The following SMARCAD1 variants were observed in gnomAD, a reference collection of about 807,000 sequenced individuals.
SMARCAD1 encodes the protein SNF2 related chromatin remodeling ATPase with DExD box 1, also known as SWI/SNF-related matrix-associated actin-dependent regulator of chromatin subfamily A containing DEAD/H box 1.
SMARCAD1 carries 25 observed loss-of-function variants against 127.1 expected under a neutral mutation model. The ratio of observed to expected loss-of-function variants is 0.20; its 90% CI spans 0.14 to 0.27. The LOEUF is 0.27. Among genes scored for constraint, SMARCAD1 ranks in the 10% least tolerant of loss-of-function variants. SMARCAD1 has a pLI of 1.00. For synonymous variants in SMARCAD1, 400 were observed against 396.9 expected (o/e 1.01, Z -0.09); for missense variants, 807 against 1,206.0 (o/e 0.67, Z 4.90).
chr4:94,222,405 A>T (rs1418242495), intron 2 of SMARCAD1, among the ~76,000 whole-genome samples: 1 of 152,150 alleles, frequency 6.6e-6, no homozygotes. Flanking sequence ...TCTGAATTGG[A>T]GAAATGTTGT....
intron 6 of SMARCAD1, among the ~76,000 whole-genome samples, chr4:94,241,649 T>G (rs1213525281): frequency 2.0e-5 from 3 of 152,184 alleles, no homozygotes; most frequent in Admixed American, 1.3e-4. Context: ...ACTATATCTT[T>G]CATGATGAAT....
chr4:94,247,242 G>C (rs1748573630), intron 6 of SMARCAD1, among the ~76,000 whole-genome samples: 1 of 152,144 alleles, frequency 6.6e-6, no homozygotes, highest in African/African-American at 2.4e-5. Flanking sequence ...AAATATGTCT[G>C]TTCCAACTAT....
chr4:94,231,147 A>G (rs1745780051), intron 3 of SMARCAD1, among the ~76,000 whole-genome samples: 1 of 152,178 alleles, frequency 6.6e-6, no homozygotes, highest in Non-Finnish European at 1.5e-5. Context: ...AATCTGTGAA[A>G]TGGAGGAGAA....
At chr4:94,273,852 CTT>C (rs1752886834) in intron 12 of SMARCAD1, 136 bp downstream of exon 12, 1 of 690,438 alleles carries the variant, frequency 1.4e-6, no homozygotes. Flanking sequence ...TTTATGGTCT[CTT>C]TATACTTTTC....
chr4:94,253,213 C>T (rs1261121491), intron 9 of SMARCAD1: 3 of 1,509,328 alleles, frequency 2.0e-6, no homozygotes, highest in South Asian at 2.4e-5. Context: ...GGTGATTTTC[C>T]TGAAAAAACC....
chr4:94,290,394 T>C lies in SMARCAD1; in HGVS notation c.*860T>C, dbSNP rs1266775230. ...GTAGTTTATTACTGCCACATCTCCA[T>C]GCATCAGCAAAATGTTGGTGACATT... is the stretch of plus-strand genomic sequence containing the variant. On this transcript the variant is annotated 3_prime_UTR_variant, in exon 24 of 24. Transcript: ENST00000354268. 1 of 454,508 alleles carries C rather than the reference T, an allele frequency of 2.2e-6. No homozygotes were observed. 28.2% of individuals were successfully genotyped at this position (454,508 alleles called of 1,614,324 possible).
At chr4:94,275,820 G>A (rs867192161) in intron 14 of SMARCAD1, among the ~76,000 whole-genome samples, 5 of 31,382 alleles carry the variant, frequency 1.6e-4, no homozygotes, top group East Asian at 4.1e-3. Context: ...TTTTTGAGAC[G>A]GAGTCTCACT....
At chr4:94,259,006 A>G (rs981144801) in intron 9 of SMARCAD1, among the ~76,000 whole-genome samples, 51 of 152,036 alleles carry the variant, frequency 3.4e-4, no homozygotes, top group Admixed American at 3.1e-3. Context: ...TGCCCACCCT[A>G]TAGCTTTTTA....
intron 9 of SMARCAD1, among the ~76,000 whole-genome samples, chr4:94,254,230 T>C (rs1394761418): frequency 2.0e-5 from 3 of 152,140 alleles, no homozygotes; most frequent in Non-Finnish European, 4.4e-5. Flanking sequence ...TTTCAAAACT[T>C]GTTTGGCTTT....
At chr4:94,223,763 A>T (rs1744558609) in intron 2 of SMARCAD1, among the ~76,000 whole-genome samples, 3 of 122,862 alleles carry the variant, frequency 2.4e-5, no homozygotes, top group South Asian at 2.6e-4. Flanking sequence ...TTTTTTTTAA[A>T]GTAGAGACGA....
At position 94,274,741 on chromosome 4, in the gene SMARCAD1, A is replaced by G; in HGVS notation, c.1676A>G (p.Asn559Ser). ...LIVVPASTIDNWLREVNLWCP... is the reference protein window; with the variant it reads ...LIVVPASTIDSWLREVNLWCP... ...TAATGTCTCTTCTGTTCCATAGATA[A>G]CTGGTTAAGGGAAGTTAATTTATGG... is the stretch of plus-strand genomic sequence containing the variant. Residue 559 changes from asparagine (N) to serine (S), a missense_variant, in exon 13 of 24, where the codon AAC becomes AGC. Asn to Ser is a conservative substitution (Grantham distance 46). This residue lies in a region of SMARCAD1 where 148 missense variants were observed against 313.2 expected (regional missense o/e 0.47). Coordinates refer to ENST00000354268, the MANE Select transcript of SMARCAD1 (RefSeq NM_020159.5). The G allele has an allele frequency of 6.2e-7, 1 of 1,613,540 alleles. No individual in the cohort carries two copies. The highest frequency in any genetic ancestry group is 8.5e-7 in the Non-Finnish European group (1 of 1,179,506).
rs151060434 is a variant in SMARCAD1, at chr4:94,250,215, C to T, written c.807+460C>T. Among the ~76,000 whole-genome samples, 1,146 of 151,936 alleles carry T rather than the reference C, an allele frequency of 7.5e-3. 7 individuals carry two copies. Among genetic ancestry groups the T allele is most frequent in the African/African-American group, 0.026 (1,071 of 41,488 alleles). The stretch of plus-strand genomic sequence containing the variant: ...TCATTAAAAAAAAAGACTCATGCCA[C>T]GCATCCTGTTGCTAAAAGGCCCTCT... On this transcript the variant is annotated intron_variant, in intron 7 of 23. Transcript: ENST00000354268.
In SMARCAD1 at chr4:94,226,311, A is replaced by G. The variant is rs992761565; in HGVS notation, c.368+15A>G. ...GTGATTATAGTGTAAGCTGATTAATAGATATATTGTATTTGCATGTGTGTG... is the reference window on the plus strand; with the variant it reads ...GTGATTATAGTGTAAGCTGATTAATGGATATATTGTATTTGCATGTGTGTG... On this transcript the variant is annotated intron_variant, in intron 3 of 23. Transcript: ENST00000354268. The G allele has an allele frequency of 6.3e-7, 1 of 1,598,938 alleles. No individual in the cohort carries two copies. Among genetic ancestry groups the G allele is most frequent in the East Asian group, 2.2e-5 (1 of 44,616 alleles).
chr4:94,223,951 TTTAG>T (rs1460364281), intron 2 of SMARCAD1, among the ~76,000 whole-genome samples: 2 of 152,088 alleles, frequency 1.3e-5, no homozygotes, highest in Non-Finnish European at 2.9e-5. Context: ...AGGCATTAGC[TTTAG>T]TTCTCATTTT....
At chr4:94,281,408 C>A (rs1754006197) in intron 20 of SMARCAD1, 64 bp from the exon 21 acceptor site, 1 of 1,082,984 alleles carries the variant, frequency 9.2e-7, no homozygotes, top group Non-Finnish European at 1.4e-6. Context: ...CTGTTTAAAC[C>A]TGTCAAGGCT....
chr4:94,253,574 T>C, intron 9 of SMARCAD1: 1 of 1,090,092 alleles, frequency 9.2e-7, no homozygotes, highest in South Asian at 2.5e-5. Flanking sequence ...GGCCATTTTA[T>C]GGAGTGTAGC....
chr4:94,218,781 A>G (rs941721508), intron 2 of SMARCAD1, among the ~76,000 whole-genome samples: 1 of 152,092 alleles, frequency 6.6e-6, no homozygotes, highest in Non-Finnish European at 1.5e-5. Flanking sequence ...ATGATATGCA[A>G]ATTAAGACTA....
At chr4:94,250,383 A>G (rs1392226360) in intron 7 of SMARCAD1, among the ~76,000 whole-genome samples, 2 of 152,080 alleles carry the variant, frequency 1.3e-5, no homozygotes, top group African/African-American at 4.8e-5. Flanking sequence ...ATCTTGTTGC[A>G]ATATTGGTTC....
At chr4:94,272,021 G>A (rs1427503433) in intron 11 of SMARCAD1, among the ~76,000 whole-genome samples, 2 of 152,194 alleles carry the variant, frequency 1.3e-5, no homozygotes, top group African/African-American at 4.8e-5. Context: ...TCACAATTCT[G>A]GAGGTGGACA....
Sources: gnomAD v4.1 joint callset for allele counts (sites outside exome capture counted in the v4.1 genomes callset) on GRCh38, gnomAD v4.1.1 for gene constraint, gnomAD v4.1.1 regional missense constraint, MANE v1.5 for transcripts, NCBI Gene and HGNC (gene_info 2026-07-23, HGNC 2026-07-21) for gene names.